The following PHKB variants were observed in gnomAD, a reference collection of about 807,000 sequenced individuals.
PHKB encodes the protein phosphorylase kinase regulatory subunit beta.
Under a neutral mutation model 152.1 loss-of-function variants are expected in PHKB, and 122 were observed. That is an observed-to-expected ratio of 0.80 (90% CI 0.69 to 0.93). PHKB has a LOEUF of 0.93. PHKB is among the 40% of genes least tolerant of loss of function. The pLI is 0.00. For missense variants in PHKB, 1,304 were observed against 1,328.4 expected (o/e 0.98, Z 0.29); for synonymous variants, 436 against 464.9 (o/e 0.94, Z 0.80).
At chr16:47,628,437 C>G (rs1972752075) in intron 14 of PHKB, among the ~76,000 whole-genome samples, 1 of 152,118 alleles carries the variant, frequency 6.6e-6, no homozygotes, top group Admixed American at 6.5e-5. Flanking sequence ...GAGGCTGAGG[C>G]AGGAGAGTGG....
chr16:47,461,584 C>T (rs1178515424), intron 1 of PHKB, among the ~76,000 whole-genome samples, 158 bp downstream of exon 1: 1 of 152,212 alleles, frequency 6.6e-6, no homozygotes, highest in African/African-American at 2.4e-5. Context: ...TTTCTAATAT[C>T]TTCCTCCACC....
chr16:47,553,432 C>T (rs182821912), intron 7 of PHKB, among the ~76,000 whole-genome samples: 2 of 152,200 alleles, frequency 1.3e-5, no homozygotes, highest in Non-Finnish European at 2.9e-5. Context: ...GTTAGCAATT[C>T]ATCTAACCTG....
chr16:47,589,126 A>G lies in PHKB; in HGVS notation c.1068+24A>G, dbSNP rs555127707. 48 of 1,543,282 alleles carry G rather than the reference A, an allele frequency of 3.1e-5. No individual in the cohort carries two copies. Among genetic ancestry groups the G allele is most frequent in the Non-Finnish European group, 4.3e-5 (48 of 1,117,630 alleles). ...AGGTATTAAAAAATATTCCATGGTA[A>G]TCGCATATCAGAGCAATCAAAAGCA... On this transcript the variant is annotated intron_variant, in intron 10 of 30. Coordinates refer to ENST00000323584, the MANE Select transcript of PHKB (RefSeq NM_000293.3).
intron 4 of PHKB, 82 bp from the exon 5 acceptor site, chr16:47,511,583 T>G: frequency 9.8e-7 from 1 of 1,020,864 alleles, no homozygotes; most frequent in Non-Finnish European, 1.5e-6. Flanking sequence ...ATTAAAAAGT[T>G]TCATGAAAAA....
intron 13 of PHKB, chr16:47,598,734 C>T (rs1972167365): frequency 1.3e-6 from 2 of 1,583,016 alleles, no homozygotes; most frequent in Non-Finnish European, 8.7e-7. Flanking sequence ...TTTTTCTTGC[C>T]AGATTTAGTT....
chr16:47,610,159 ATTTTTTTT>A (rs371224839), intron 13 of PHKB, among the ~76,000 whole-genome samples: 16 of 99,444 alleles, frequency 1.6e-4, no homozygotes, highest in African/African-American at 4.9e-4. Flanking sequence ...TGCCCAGCTA[ATTTTTTTT>A]TTTTTTTTTT....
At chr16:47,530,787 G>C (rs1970849141) in intron 6 of PHKB, among the ~76,000 whole-genome samples, 2 of 151,944 alleles carry the variant, frequency 1.3e-5, no homozygotes, top group Admixed American at 6.6e-5. Context: ...TATAAAACTT[G>C]GATCATAAAA....
At chr16:47,523,773 T>C (rs1366720850) in intron 6 of PHKB, among the ~76,000 whole-genome samples, 1 of 152,216 alleles carries the variant, frequency 6.6e-6, no homozygotes, top group East Asian at 1.9e-4. Flanking sequence ...ATTTCCTTTA[T>C]ATGCCTAGAA....
chr16:47,515,944 T>C (rs866387866), intron 6 of PHKB, among the ~76,000 whole-genome samples: 5 of 152,130 alleles, frequency 3.3e-5, no homozygotes, highest in African/African-American at 9.6e-5. Flanking sequence ...TTTTTTTTTT[T>C]TTGAGATGGA....
At chr16:47,495,643 T>C (rs942431794) in intron 1 of PHKB, among the ~76,000 whole-genome samples, 1 of 152,198 alleles carries the variant, frequency 6.6e-6, no homozygotes, top group African/African-American at 2.4e-5. Context: ...GTGTATAGAC[T>C]CCTAGAGCTT....
chr16:47,461,853 C>A (rs1332132294), intron 1 of PHKB, among the ~76,000 whole-genome samples: 1 of 152,202 alleles, frequency 6.6e-6, no homozygotes, highest in Non-Finnish European at 1.5e-5. Context: ...CTGCAGAAAG[C>A]CGGCGTCTGG....
At chr16:47,573,367 G>A (rs776835432) in intron 7 of PHKB, among the ~76,000 whole-genome samples, 1 of 152,164 alleles carries the variant, frequency 6.6e-6, no homozygotes, top group Non-Finnish European at 1.5e-5. Flanking sequence ...GGCTCACCAG[G>A]TGTGGACTCA....
chr16:47,669,783 A>G (rs1973607331), intron 26 of PHKB, among the ~76,000 whole-genome samples: 2 of 152,238 alleles, frequency 1.3e-5, no homozygotes, highest in African/African-American at 2.4e-5. Context: ...TAAAACTGTC[A>G]GGAGGACACA....
At chr16:47,496,955 T>C (rs1970242837) in intron 1 of PHKB, among the ~76,000 whole-genome samples, 1 of 152,188 alleles carries the variant, frequency 6.6e-6, no homozygotes, top group African/African-American at 2.4e-5. Context: ...GAACATTATC[T>C]TCTTTCCTTG....
In PHKB at chr16:47,559,174, A is replaced by G. The variant is rs140160106; in HGVS notation, c.710+11626A>G. Among the ~76,000 whole-genome samples the G allele has an allele frequency of 2.4e-3, 359 of 152,338 alleles. 1 individual carries two copies. The highest frequency in any genetic ancestry group is 8.0e-3 in the African/African-American group (333 of 41,570). ...TCTTAAGGAAGAAAGCAAGTTAACA[A>G]TGAATGTTTTTACACAAACAGTCCA... On this transcript the variant is annotated intron_variant, in intron 7 of 30. Transcript: ENST00000323584.
At chr16:47,550,270 T>C (rs540934113) in intron 7 of PHKB, among the ~76,000 whole-genome samples, 1 of 152,320 alleles carries the variant, frequency 6.6e-6, no homozygotes, top group East Asian at 1.9e-4. Context: ...TAGTGGAATG[T>C]AGAGCTGCTA....
At chr16:47,499,963 T>G in intron 3 of PHKB, 69 bp downstream of exon 3, 1 of 1,570,574 alleles carries the variant, frequency 6.4e-7, no homozygotes, top group South Asian at 1.1e-5. Context: ...CCAAGACTAA[T>G]TGAGCCGCTA....
intron 7 of PHKB, among the ~76,000 whole-genome samples, chr16:47,558,906 G>C (rs1667070650): frequency 6.6e-6 from 1 of 152,066 alleles, no homozygotes; most frequent in South Asian, 2.1e-4. Context: ...TCCCATAGCT[G>C]TTTTTTTATA....
chr16:47,480,556 T>C (rs567885707), intron 1 of PHKB, among the ~76,000 whole-genome samples: 45 of 152,286 alleles, frequency 3.0e-4, no homozygotes, highest in African/African-American at 1.1e-3. Flanking sequence ...CAGCAAACAG[T>C]CTTCAAACTA....
Sources: allele counts gnomAD v4.1 joint callset (sites outside exome capture counted in the v4.1 genomes callset), GRCh38; gene constraint gnomAD v4.1.1; transcripts MANE v1.5; gene names NCBI Gene and HGNC (gene_info 2026-07-23, HGNC 2026-07-21).